ACTR2: variants seen among roughly 807,000 people sequenced by gnomAD.
The protein encoded by ACTR2 is actin-related protein 2.
In ACTR2, 5 loss-of-function variants were observed where a neutral mutation model predicts 50.2. The observed-to-expected ratio is 0.10, with a 90% confidence interval of 0.05 to 0.21. The LOEUF (loss-of-function observed/expected upper bound fraction) is 0.21, where lower values mean the gene tolerates loss of function less well. Among genes scored for constraint, ACTR2 ranks in the 10% least tolerant of loss-of-function variants. The pLI is 1.00. For missense variants in ACTR2, 180 were observed against 480.6 expected, an observed-to-expected ratio of 0.37 and a Z score of 5.85; for synonymous variants, 140 against 162.9, an observed-to-expected ratio of 0.86 and a Z score of 1.07.
At chr2:65,252,934 G>A (rs1042603210) in intron 4 of ACTR2, among the ~76,000 whole-genome samples, 1 of 152,146 alleles carries the variant, frequency 6.6e-6, no homozygotes, top group African/African-American at 2.4e-5. Context: ...CTTCTTTGCT[G>A]TTCTTTTATT....
At position 65,259,884 on chromosome 2, in the gene ACTR2, C is replaced by T. The variant is rs530902334; in HGVS notation, c.736-1363C>T. 1.4e-4 allele frequency among the ~76,000 whole-genome samples: 22 copies of T among 152,314 alleles called. No homozygotes were observed. The South Asian group carries it at 4.6e-3, about 32-fold the overall frequency. ...GAGGTGTTATGAGAGGAAGTTTCTA[C>T]TTAACACTTCTCATTTAATTAAATA... On this transcript the variant is annotated intron_variant, in intron 6 of 8. Coordinates refer to ENST00000260641, the MANE Select transcript of ACTR2 (RefSeq NM_005722.4).
chr2:65,265,244 A>G (rs2104023074), intron 8 of ACTR2, 69 bp downstream of exon 8: 1 of 1,572,510 alleles, frequency 6.4e-7, no homozygotes, highest in Middle Eastern at 1.7e-4. Flanking sequence ...GTGAATCTTG[A>G]CAACCACCAG....
At chr2:65,237,295 G>A (rs548072451) in intron 1 of ACTR2, among the ~76,000 whole-genome samples, 5 of 152,118 alleles carry the variant, frequency 3.3e-5, no homozygotes, top group African/African-American at 1.2e-4. Flanking sequence ...TTGAGACAGG[G>A]TCTCACATGA....
chr2:65,228,717 T>A (rs2103975002), intron 1 of ACTR2, among the ~76,000 whole-genome samples: 1 of 152,218 alleles, frequency 6.6e-6, no homozygotes, highest in African/African-American at 2.4e-5. Context: ...CCAGCCCCCT[T>A]TTTTCCCTTC....
Position 65,239,491 on chromosome 2 carries a change from C to T in ACTR2, c.49-361C>T, listed in dbSNP as rs145974395. On this transcript the variant is annotated intron_variant, in intron 1 of 8. Transcript: ENST00000260641. ...AAAAAAAACCTTAGCATTTGTTCAGCGAATTTGTCCATCCCACAGATACTT... is the reference window on the plus strand; with the variant it reads ...AAAAAAAACCTTAGCATTTGTTCAGTGAATTTGTCCATCCCACAGATACTT... 4.6e-5 allele frequency among the ~76,000 whole-genome samples: 7 copies of T among 152,294 alleles called. No homozygotes were observed. In the East Asian group the frequency reaches 1.4e-3, roughly 29 times the overall value.
intron 5 of ACTR2, among the ~76,000 whole-genome samples, chr2:65,254,486 C>A (rs1672110722): frequency 6.6e-6 from 1 of 152,064 alleles, no homozygotes; most frequent in South Asian, 2.1e-4. Context: ...TGTCTACTTG[C>A]TAACATATAT....
At chr2:65,244,076 A>G (rs1050578165) in intron 2 of ACTR2, among the ~76,000 whole-genome samples, 2 of 152,224 alleles carry the variant, frequency 1.3e-5, no homozygotes, top group Non-Finnish European at 2.9e-5. Context: ...GAGGAAGGTA[A>G]GGATACTCAA....
chr2:65,241,510 T>C (rs1671839329), intron 2 of ACTR2, among the ~76,000 whole-genome samples: 1 of 152,208 alleles, frequency 6.6e-6, no homozygotes, highest in Admixed American at 6.5e-5. Context: ...CTGTATTCTA[T>C]TGGCTCAATT....
intron 4 of ACTR2, among the ~76,000 whole-genome samples, chr2:65,252,815 A>G (rs1430523825): frequency 2.0e-5 from 3 of 152,104 alleles, no homozygotes; most frequent in Non-Finnish European, 2.9e-5. Flanking sequence ...ATAAAAAGTA[A>G]AATTAGCTGG....
At chr2:65,268,461 C>A in intron 8 of ACTR2, 103 bp from the exon 9 acceptor site, 1 of 993,128 alleles carries the variant, frequency 1.0e-6, no homozygotes, top group South Asian at 1.7e-5. Context: ...TATTACAGGA[C>A]TGTTGCAAGT....
intron 4 of ACTR2, 33 bp from the exon 5 acceptor site, chr2:65,253,695 C>A: frequency 6.3e-7 from 1 of 1,598,402 alleles, no homozygotes; most frequent in Non-Finnish European, 8.5e-7. Flanking sequence ...CCTGATTTGA[C>A]TTTTTATTTA....
chr2:65,255,721 ATG>A (rs1672137375), intron 6 of ACTR2, 27 bp downstream of exon 6: 2 of 1,582,502 alleles, frequency 1.3e-6, no homozygotes, highest in Non-Finnish European at 1.7e-6. Flanking sequence ...TATAATATAT[ATG>A]TGTTTTAAAG....
chr2:65,228,561 T>C (rs908901916), intron 1 of ACTR2: 1 of 152,164 alleles, frequency 6.6e-6, no homozygotes, highest in African/African-American at 2.4e-5. Flanking sequence ...ACTTTTTGTT[T>C]TACATACTAG....
At chr2:65,236,333 C>A (rs549593248) in intron 1 of ACTR2, among the ~76,000 whole-genome samples, 282 of 140,054 alleles carry the variant, frequency 2.0e-3, no homozygotes, top group African/African-American at 7.9e-3. Context: ...GAGACTCCAT[C>A]TCAAAAAAAA....
At chr2:65,254,169 A>G (rs930174073) in intron 5 of ACTR2, among the ~76,000 whole-genome samples, 2 of 152,216 alleles carry the variant, frequency 1.3e-5, no homozygotes, top group Non-Finnish European at 2.9e-5. Context: ...TTTCAAGGAT[A>G]GAAGAGACCC....
At chr2:65,248,238 A>G (rs915325129) in intron 3 of ACTR2, among the ~76,000 whole-genome samples, 2 of 152,118 alleles carry the variant, frequency 1.3e-5, no homozygotes, top group African/African-American at 4.8e-5. Context: ...CATCTCTACT[A>G]AAAATACAAA....
chr2:65,242,623 G>A (rs1490714894), intron 2 of ACTR2: 11 of 507,882 alleles, frequency 2.2e-5, no homozygotes, highest in Non-Finnish European at 3.5e-5. Flanking sequence ...ATTTCACAAC[G>A]TTATCTGAGG....
chr2:65,229,603 A>G (rs913902203), intron 1 of ACTR2, among the ~76,000 whole-genome samples: 2 of 152,016 alleles, frequency 1.3e-5, no homozygotes, highest in African/African-American at 4.8e-5. Flanking sequence ...TAAAAATACA[A>G]AAATTAGCCG....
At chr2:65,260,272 T>C (rs1337605066) in intron 6 of ACTR2, among the ~76,000 whole-genome samples, 1 of 152,132 alleles carries the variant, frequency 6.6e-6, no homozygotes, top group Non-Finnish European at 1.5e-5. Flanking sequence ...CTTTGGGAGG[T>C]TGAGGCGAGC....
Sources: gnomAD v4.1 joint callset for allele counts (sites outside exome capture counted in the v4.1 genomes callset) on GRCh38, gnomAD v4.1.1 for gene constraint, MANE v1.5 for transcripts, NCBI Gene and HGNC (gene_info 2026-07-23, HGNC 2026-07-21) for gene names.